The following ITGAE variants were observed in gnomAD, a reference collection of about 807,000 sequenced individuals.
The protein encoded by ITGAE is integrin alpha-E.
Under a neutral mutation model 136.5 loss-of-function variants are expected in ITGAE, and 99 were observed. The ratio of observed to expected loss-of-function variants is 0.73; its 90% confidence interval spans 0.62 to 0.86. ITGAE has a LOEUF of 0.86. ITGAE is among the 40% of genes least tolerant of loss of function. ITGAE has a pLI of 0.00. For synonymous variants in ITGAE, 613 were observed against 591.8 expected, an observed-to-expected ratio of 1.04 and a Z score of -0.52; for missense variants, 1,447 against 1,515.3, an observed-to-expected ratio of 0.95 and a Z score of 0.75.
At chr17:3,760,715 C>T (rs1387309454) in intron 6 of ITGAE, among the ~76,000 whole-genome samples, 4 of 152,084 alleles carry the variant, frequency 2.6e-5, no homozygotes, top group African/African-American at 9.7e-5. Flanking sequence ...GCTGGGATTA[C>T]AGGCATGAGC....
Position 3,723,682 on chromosome 17 carries a change from G to T in ITGAE, c.3141+6C>A, listed in dbSNP as rs1470535872. On this transcript the variant is annotated splice_donor_region_variant and intron_variant, in intron 27 of 30. Transcript: ENST00000263087. ...TCCCCTGGCCTCTCGGGACGGCCGC[G>T]CTTACCTGAACCGAACTGTACGCAC... The T allele has an allele frequency of 6.3e-7, 1 of 1,589,400 alleles. No homozygotes were observed. The highest frequency in any genetic ancestry group is 1.3e-5 in the African/African-American group (1 of 74,576).
chr17:3,730,458 T>TAAAATAAAAAAATAAATAAATAAAA (rs1597308224), intron 23 of ITGAE: 1 of 94,672 alleles, frequency 1.1e-5, no homozygotes, highest in African/African-American at 2.7e-5. Context: ...TCTCAAAAAA[T>TAAAATAAAAAAATAAATAAATAAAA]AAATAAATAA....
intron 19 of ITGAE, among the ~76,000 whole-genome samples, chr17:3,742,753 A>G (rs1326063097): frequency 6.6e-6 from 1 of 152,088 alleles, no homozygotes; most frequent in Non-Finnish European, 1.5e-5. Flanking sequence ...AAGGATTCAA[A>G]TGATTCTCCT....
intron 2 of ITGAE, among the ~76,000 whole-genome samples, chr17:3,764,550 A>G (rs897514692): frequency 6.6e-5 from 10 of 152,120 alleles, no homozygotes; most frequent in African/African-American, 2.2e-4. Context: ...TACAAAAATT[A>G]GCCGGGCATG....
intron 2 of ITGAE, among the ~76,000 whole-genome samples, chr17:3,775,842 G>A (rs1240658591): frequency 6.6e-6 from 1 of 151,998 alleles, no homozygotes; most frequent in Non-Finnish European, 1.5e-5. Context: ...CAGAGGCCAC[G>A]TGCATCCTCA....
chr17:3,738,322 C>G (rs954353941), intron 20 of ITGAE, among the ~76,000 whole-genome samples: 6 of 152,136 alleles, frequency 3.9e-5, no homozygotes, highest in Non-Finnish European at 8.8e-5. Flanking sequence ...AGGCGCCCAC[C>G]ACCATGCCCA....
chr17:3,733,761 G>A (rs1180819673), intron 21 of ITGAE, among the ~76,000 whole-genome samples: 2 of 152,214 alleles, frequency 1.3e-5, no homozygotes, highest in African/African-American at 4.8e-5. Context: ...CAATGGAAAA[G>A]GCGGTTATTA....
intron 1 of ITGAE, among the ~76,000 whole-genome samples, chr17:3,789,381 C>T (rs1384406947): frequency 6.6e-6 from 1 of 152,118 alleles, no homozygotes; most frequent in Non-Finnish European, 1.5e-5. Context: ...CATTTCAGGG[C>T]CATCAAATCA....
At position 3,757,151 on chromosome 17, in the gene ITGAE, GGTCAGCGA is replaced by G. The variant is rs1464598810; in HGVS notation, c.1021-25_1021-18del. ...TTCTCCCACCTGCACAGACAGCCTGGGTCAGCGAGTCAGCGCTGCGTGGATTCCCCAGG... is the reference window on the plus strand; with the variant it reads ...TTCTCCCACCTGCACAGACAGCCTGGGTCAGCGCTGCGTGGATTCCCCAGG... On this transcript the variant is annotated intron_variant, in intron 9 of 30. Coordinates refer to ENST00000263087, the MANE Select transcript of ITGAE (RefSeq NM_002208.5). The G allele has an allele frequency of 1.2e-6, 2 of 1,612,758 alleles. No individual in the cohort carries two copies. Among genetic ancestry groups the G allele is most frequent in the Non-Finnish European group, 1.7e-6 (2 of 1,179,256 alleles).
At position 3,723,769 on chromosome 17, in the gene ITGAE, C is replaced by T. The variant is rs748206202; in HGVS notation, c.3085-25G>A. ...CCTGAAACGAGAGCCATGACCGCGA[C>T]GCGCTGAACAAACCAAGCCGCCAGT... On this transcript the variant is annotated intron_variant, in intron 26 of 30. Transcript: ENST00000263087. 45 of 1,604,178 alleles carry T rather than the reference C, an allele frequency of 2.8e-5. No homozygotes were observed. The East Asian group carries it at 8.1e-4, about 29-fold the overall frequency.
Position 3,777,591 on chromosome 17 carries a change from G to A in ITGAE, c.104C>T (p.Pro35Leu). 1 of 1,613,960 alleles carries A rather than the reference G, an allele frequency of 6.2e-7. No homozygotes were observed. Residue 35 changes from proline (P) to leucine (L), a missense_variant, in exon 2 of 31, where the codon CCT becomes CTT. Physicochemically the swap from Pro to Leu is moderately conservative, Grantham distance 98. This residue lies in a region of ITGAE where 106 missense variants were observed against 87.8 expected (regional missense o/e 1.21). Coordinates refer to ENST00000263087, the MANE Select transcript of ITGAE (RefSeq NM_002208.5). ...RPWLTPKGGA[P>L]FVLSSLLHQD... ...GTGCAGAAGGGAGCTGAGCACGAAA[G>A]GGGCACCTCCCTTGGGCGTGAGCCA...
intron 14 of ITGAE, among the ~76,000 whole-genome samples, chr17:3,752,170 G>A (rs1286598843): frequency 2.0e-5 from 3 of 152,192 alleles, no homozygotes; most frequent in Admixed American, 1.3e-4. Flanking sequence ...AGGCCATACA[G>A]TGAGCACCAG....
chr17:3,789,649 T>C (rs1383156168), intron 1 of ITGAE, among the ~76,000 whole-genome samples: 3 of 152,124 alleles, frequency 2.0e-5, no homozygotes, highest in Non-Finnish European at 2.9e-5. Flanking sequence ...TGCAGGCATG[T>C]GCCACCACAC....
chr17:3,730,156 TAAGAA>T (rs2051307457), intron 23 of ITGAE, among the ~76,000 whole-genome samples: 2 of 151,832 alleles, frequency 1.3e-5, no homozygotes, highest in African/African-American at 4.8e-5. Flanking sequence ...GGGAGTCAGA[TAAGAA>T]AAGGCTCTCA....
Position 3,791,786 on chromosome 17 carries a change from A to C in ITGAE, c.34+9325T>G, listed in dbSNP as rs142949267. Among the ~76,000 whole-genome samples, 529 of 152,252 alleles carry C rather than the reference A, an allele frequency of 3.5e-3. 6 individuals carry two copies. Among genetic ancestry groups the C allele is most frequent in the African/African-American group, 0.012 (492 of 41,554 alleles). On this transcript the variant is annotated intron_variant, in intron 1 of 30. Coordinates refer to ENST00000263087, the MANE Select transcript of ITGAE (RefSeq NM_002208.5). ...CAACAAGCTCCCAGACGATGCTCTC[A>C]CTGCTGGTCCTCAGGTCACATTTTG...
At chr17:3,753,194 G>T in intron 14 of ITGAE, 96 bp downstream of exon 14, 1 of 1,383,236 alleles carries the variant, frequency 7.2e-7, no homozygotes, top group Non-Finnish European at 9.8e-7. Context: ...GCCCACTGGT[G>T]CCAGGCAGGG....
At chr17:3,743,677 A>G (rs1391512654) in intron 18 of ITGAE, 60 bp from the exon 19 acceptor site, 4 of 1,475,786 alleles carry the variant, frequency 2.7e-6, no homozygotes, top group African/African-American at 4.0e-5. Context: ...GATGACAACA[A>G]TAATGCTTTT....
Position 3,801,104 on chromosome 17 carries a change from G to A in ITGAE, c.34+7C>T, listed in dbSNP as rs757415006. The stretch of plus-strand genomic sequence containing the variant: ...AGCCCCTCGAAGCAGCGGGTGAGAG[G>A]ACTTACTGGCTATGCAGAGCAGAGT... On this transcript the variant is annotated splice_region_variant and intron_variant, in intron 1 of 30. Transcript: ENST00000263087. 3 of 1,612,992 alleles carry A rather than the reference G, an allele frequency of 1.9e-6. No homozygotes were observed. The highest frequency in any genetic ancestry group is 1.7e-5 in the Admixed American group (1 of 60,026).
intron 1 of ITGAE, among the ~76,000 whole-genome samples, chr17:3,785,244 G>A (rs1164761094): frequency 3.3e-5 from 5 of 152,042 alleles, no homozygotes; most frequent in East Asian, 1.9e-4. Flanking sequence ...CGAGGCAGGC[G>A]GATCACTTGA....
Sources: allele counts gnomAD v4.1 joint callset (sites outside exome capture counted in the v4.1 genomes callset), GRCh38; gene constraint gnomAD v4.1.1; regional missense constraint gnomAD v4.1.1; transcripts MANE v1.5; gene names NCBI Gene and HGNC (gene_info 2026-07-23, HGNC 2026-07-21).